SNTG2: variants seen among roughly 807,000 people sequenced by gnomAD.
SNTG2 encodes the protein gamma-2-syntrophin.
A neutral mutation model predicts 70.9 loss-of-function variants in SNTG2; 74 were observed. That is an observed-to-expected ratio of 1.04 (90% CI 0.86 to 1.27). The LOEUF (loss-of-function observed/expected upper bound fraction) is 1.27, where lower values mean the gene tolerates loss of function less well. Among genes scored for constraint, SNTG2 ranks in the 50% most tolerant of loss-of-function variants. SNTG2 has a pLI of 0.00. For missense variants in SNTG2, 717 were observed against 690.7 expected (o/e 1.04, Z -0.43); for synonymous variants, 278 against 273.8 (o/e 1.02, Z -0.15).
At chr2:953,454 G>A (rs565604819) in intron 1 of SNTG2, among the ~76,000 whole-genome samples, 2 of 152,338 alleles carry the variant, frequency 1.3e-5, no homozygotes, top group African/African-American at 2.4e-5. Flanking sequence ...AGCACGTTAG[G>A]TCATTTTAAA....
At chr2:1,352,487 G>C (rs1189464317) in intron 16 of SNTG2, among the ~76,000 whole-genome samples, 2 of 152,210 alleles carry the variant, frequency 1.3e-5, no homozygotes, top group Non-Finnish European at 2.9e-5. Flanking sequence ...TGTCAGGTTT[G>C]AGCACACAGT....
chr2:1,150,186 G>A (rs996613917), intron 6 of SNTG2, among the ~76,000 whole-genome samples: 1 of 152,206 alleles, frequency 6.6e-6, no homozygotes, highest in African/African-American at 2.4e-5. Context: ...GGGAATCCCT[G>A]GTGGAGGTCT....
intron 1 of SNTG2, among the ~76,000 whole-genome samples, chr2:1,044,492 T>G (rs1661615746): frequency 6.6e-6 from 1 of 152,264 alleles, no homozygotes; most frequent in South Asian, 2.1e-4. Context: ...ATGCTTCTGG[T>G]TTTTGCTCAT....
intron 1 of SNTG2, among the ~76,000 whole-genome samples, chr2:1,023,424 A>C (rs538123329): frequency 6.6e-6 from 1 of 152,012 alleles, no homozygotes; most frequent in African/African-American, 2.4e-5. Context: ...TTTTATTTAA[A>C]TTTTCTGCAG....
chr2:1,278,924 G>A (rs1259856339), intron 14 of SNTG2, among the ~76,000 whole-genome samples: 3 of 150,400 alleles, frequency 2.0e-5, no homozygotes, highest in Admixed American at 6.6e-5. Flanking sequence ...CCCGGGACGC[G>A]AATCACCCCT....
intron 8 of SNTG2, among the ~76,000 whole-genome samples, chr2:1,176,741 G>A (rs1046907910): frequency 6.6e-6 from 1 of 151,962 alleles, no homozygotes; most frequent in Non-Finnish European, 1.5e-5. Context: ...ATGAAGAAAG[G>A]CTCATCATCA....
chr2:1,146,102 A>G (rs1669084136), intron 6 of SNTG2, among the ~76,000 whole-genome samples: 1 of 152,170 alleles, frequency 6.6e-6, no homozygotes, highest in South Asian at 2.1e-4. Flanking sequence ...ATCATAGATA[A>G]TGGTGAGAAA....
chr2:1,002,827 G>A (rs1659442046), intron 1 of SNTG2, among the ~76,000 whole-genome samples: 1 of 151,450 alleles, frequency 6.6e-6, no homozygotes, highest in African/African-American at 2.4e-5. Context: ...ATTCACAGTA[G>A]CAAATATCTA....
chr2:958,729 T>G (rs943689051), intron 1 of SNTG2, among the ~76,000 whole-genome samples: 1 of 152,132 alleles, frequency 6.6e-6, no homozygotes, highest in East Asian at 1.9e-4. Context: ...TCCAGAGAGA[T>G]ATGAAAAAAA....
In SNTG2 at chr2:1,353,786, T is replaced by C. The variant is rs1339248983; in HGVS notation, c.1489-13557T>C. 2 of 152,188 alleles carry C rather than the reference T, an allele frequency of 1.3e-5. No homozygotes were observed. The highest frequency in any genetic ancestry group is 4.8e-5 in the African/African-American group (2 of 41,436). The allele number at this position is 152,188 out of a possible 1,614,324, so 9.4% of individuals were successfully genotyped here. On this transcript the variant is annotated intron_variant, in intron 16 of 16. Coordinates refer to ENST00000308624, the MANE Select transcript of SNTG2 (RefSeq NM_018968.4). The surrounding 1 kb of genome is among the most constrained non-coding windows in gnomAD (Gnocchi z 4.2). ...CACTTTGTGACAAATGTCCAGCAGTTTGTGCACTGAGACGGAAAAATGGAC... is the reference window on the plus strand; with the variant it reads ...CACTTTGTGACAAATGTCCAGCAGTCTGTGCACTGAGACGGAAAAATGGAC...
chr2:1,005,370 C>T (rs1026000015), intron 1 of SNTG2, among the ~76,000 whole-genome samples: 4 of 151,792 alleles, frequency 2.6e-5, no homozygotes, highest in South Asian at 2.1e-4. Flanking sequence ...ATAACAAATG[C>T]GCCACCTGGG....
intron 8 of SNTG2, among the ~76,000 whole-genome samples, chr2:1,203,669 AAAAAATAT>A: frequency 1.1e-5 from 1 of 94,264 alleles, no homozygotes; most frequent in Admixed American, 1.2e-4. Flanking sequence ...CAAACAAAAA[AAAAAATAT>A]ATATATATAT....
At chr2:1,067,520 C>CT (rs569582041) in intron 1 of SNTG2, among the ~76,000 whole-genome samples, 54 of 152,202 alleles carry the variant, frequency 3.5e-4, no homozygotes, top group Non-Finnish European at 6.9e-4. Flanking sequence ...AACCTAATAT[C>CT]TTTTTTCTTA....
chr2:963,135 T>A (rs28528792), intron 1 of SNTG2, among the ~76,000 whole-genome samples: 49,394 of 150,048 alleles, frequency 0.33, 8,431 homozygotes, highest in African/African-American at 0.42. Context: ...GAGCTTTTTT[T>A]AAAAAAAAAA....
intron 6 of SNTG2, among the ~76,000 whole-genome samples, chr2:1,162,342 TGGCTG>T (rs1670371271): frequency 6.6e-6 from 1 of 152,068 alleles, no homozygotes; most frequent in African/African-American, 2.4e-5. Context: ...TCAGGCACAC[TGGCTG>T]GGCGACAGAC....
intron 6 of SNTG2, among the ~76,000 whole-genome samples, chr2:1,145,092 G>GAATT (rs1471521985): frequency 2.0e-5 from 3 of 151,970 alleles, no homozygotes; most frequent in African/African-American, 4.8e-5. Context: ...GAAATATATA[G>GAATT]AATTGAAAGC....
intron 14 of SNTG2, among the ~76,000 whole-genome samples, chr2:1,279,076 TGACCCCTCTGTCAGTGCGC>T (rs1558626261): frequency 5.0e-5 from 4 of 80,478 alleles, no homozygotes; most frequent in Non-Finnish European, 1.1e-4. Context: ...AGTGCGCGAA[TGACCCCTCTGTCAGTGCGC>T]GAATCACCCC....
intron 1 of SNTG2, among the ~76,000 whole-genome samples, chr2:1,020,306 T>TG (rs1246776674): frequency 6.6e-6 from 1 of 152,218 alleles, no homozygotes; most frequent in African/African-American, 2.4e-5. Flanking sequence ...CATCTGGGCT[T>TG]GGGCCCAGCT....
intron 14 of SNTG2, among the ~76,000 whole-genome samples, chr2:1,284,719 G>A (rs532944214): frequency 2.6e-5 from 4 of 152,108 alleles, no homozygotes; most frequent in East Asian, 3.9e-4. Context: ...TAAAGCTGAC[G>A]TCAACTAAAT....
Sources: gnomAD v4.1 joint callset for allele counts (sites outside exome capture counted in the v4.1 genomes callset) on GRCh38, gnomAD v4.1.1 for gene constraint, Gnocchi (gnomAD v3.1) non-coding constraint, MANE v1.5 for transcripts, NCBI Gene and HGNC (gene_info 2026-07-23, HGNC 2026-07-21) for gene names.